Variants in NR1H4 observed in about 807,000 individuals in gnomAD.
The protein encoded by NR1H4 is bile acid receptor.
In NR1H4, 23 loss-of-function variants were observed where a neutral mutation model predicts 58.5. The ratio of observed to expected loss-of-function variants is 0.39; its 90% confidence interval spans 0.28 to 0.56. The LOEUF (loss-of-function observed/expected upper bound fraction) is 0.56, where lower values mean the gene tolerates loss of function less well. Ranked by LOEUF, NR1H4 falls within the 20% of genes least tolerant of loss-of-function variation. The pLI, the probability that NR1H4 is intolerant of heterozygous loss-of-function variation, is 0.58. For missense variants in NR1H4, 487 were observed against 576.9 expected (o/e 0.84, Z 1.60); for synonymous variants, 214 against 198.0 (o/e 1.08, Z -0.68).
chr12:100,487,070 T>G (rs11110392), intron 1 of NR1H4, among the ~76,000 whole-genome samples: 16,992 of 152,126 alleles, frequency 0.11, 1,993 homozygotes, highest in African/African-American at 0.29. Context: ...ATAGCCAATA[T>G]AGATGTAAAG....
intron 1 of NR1H4, among the ~76,000 whole-genome samples, chr12:100,491,421 A>G (rs995562630): frequency 2.7e-5 from 4 of 150,284 alleles, no homozygotes; most frequent in Non-Finnish European, 4.4e-5. Flanking sequence ...CATTGGACGG[A>G]TCTGCCTTAT....
intron 9 of NR1H4, among the ~76,000 whole-genome samples, chr12:100,546,025 G>A (rs1955061873): frequency 6.6e-6 from 1 of 152,076 alleles, no homozygotes; most frequent in African/African-American, 2.4e-5. Flanking sequence ...CCTAGTCCGA[G>A]CTGCCCACTG....
Position 100,540,773 on chromosome 12 carries a change from C to A in NR1H4, c.1033C>A (p.Pro345Thr). Residue 345 changes from proline to threonine, a missense_variant, in exon 9 of 11, where the codon CCG (proline) becomes ACG (threonine). Physicochemically the swap from Pro to Thr is conservative, Grantham distance 38. Transcript: ENST00000392986. The part of the protein sequence containing the change: ...RSAEIFNKKL[P>T]SGHSDLLEER... ...AGCTGAGATTTTCAATAAGAAACTT[C>A]CGTCTGGGCATTCTGACCTATTGGA... 1 of 1,614,132 alleles carries A rather than the reference C, an allele frequency of 6.2e-7. No individual in the cohort carries two copies. The highest frequency in any genetic ancestry group is 8.5e-7 in the Non-Finnish European group (1 of 1,180,012).
intron 4 of NR1H4, among the ~76,000 whole-genome samples, chr12:100,513,488 C>T (rs76449719): frequency 9.9e-5 from 15 of 152,168 alleles, no homozygotes; most frequent in Non-Finnish European, 2.1e-4. Flanking sequence ...GAAAACATTT[C>T]TAATTGGTTA....
chr12:100,482,671 G>A lies in NR1H4; in HGVS notation c.-190+8612G>A, dbSNP rs1030262595. On this transcript the variant is annotated intron_variant, in intron 1 of 10. Transcript: ENST00000392986. ...AGAAGAAGTACCCAGGGCTATGAAC[G>A]TCTCCTGGAGTTTGTGCTAATCAAG... 4.6e-5 allele frequency among the ~76,000 whole-genome samples: 7 copies of A among 152,150 alleles called. 1 individual carries two copies. Among genetic ancestry groups the A allele is most frequent in the Admixed American group, 2.0e-4 (3 of 15,284 alleles).
At position 100,563,307 on chromosome 12, in the gene NR1H4, G is replaced by A. The variant is rs1183591124; in HGVS notation, c.1249G>A (p.Asp417Asn). The change falls in exon 11 of 11, where the codon GAT (aspartate) becomes AAT (asparagine). Residue 417 changes from aspartate to asparagine, a missense_variant. Transcript: ENST00000392986. ...AGAGAAGCTTCAGGAGCCACTTCTT[G>A]ATGTGCTACAAAAGTTGTGTAAGAT... ...AVEKLQEPLLDVLQKLCKIHQ... is the reference protein window; with the variant it reads ...AVEKLQEPLLNVLQKLCKIHQ... 1.9e-6 allele frequency: 3 copies of A among 1,614,144 alleles called. No individual in the cohort carries two copies. Among genetic ancestry groups the A allele is most frequent in the Non-Finnish European group, 2.5e-6 (3 of 1,180,030 alleles).
intron 4 of NR1H4, among the ~76,000 whole-genome samples, chr12:100,529,260 T>C (rs1954634976): frequency 6.6e-6 from 1 of 152,216 alleles, no homozygotes; most frequent in Non-Finnish European, 1.5e-5. Flanking sequence ...TACCAAAACC[T>C]GATGTTCTCT....
chr12:100,486,877 C>A (rs923482767), intron 1 of NR1H4, among the ~76,000 whole-genome samples: 16 of 151,262 alleles, frequency 1.1e-4, no homozygotes, highest in African/African-American at 3.6e-4. Flanking sequence ...TTTAAAAAAT[C>A]AGATATATTT....
At chr12:100,519,015 T>C (rs1051464688) in intron 4 of NR1H4, among the ~76,000 whole-genome samples, 15 of 152,000 alleles carry the variant, frequency 9.9e-5, no homozygotes, top group Non-Finnish European at 1.9e-4. Context: ...TTTGAAGTCC[T>C]GACCTCAAGT....
chr12:100,506,700 G>A (rs933302252), intron 3 of NR1H4, among the ~76,000 whole-genome samples: 2 of 152,134 alleles, frequency 1.3e-5, no homozygotes, highest in African/African-American at 4.8e-5. Flanking sequence ...TAGAGACGGG[G>A]TTTCACCATG....
chr12:100,510,663 AGTT>A (rs1457748580), intron 3 of NR1H4, 112 bp from the exon 4 acceptor site: 18 of 781,912 alleles, frequency 2.3e-5, no homozygotes. Flanking sequence ...ACTTTTATGT[AGTT>A]AAATGTTTCA....
At chr12:100,547,381 A>G (rs1179537338) in intron 9 of NR1H4, among the ~76,000 whole-genome samples, 2 of 152,122 alleles carry the variant, frequency 1.3e-5, no homozygotes. Context: ...ATGATCCACT[A>G]TGGCTCCCTA....
rs768044013 is a variant in NR1H4 at position 100,563,815 on chromosome 12, A to T, written c.*326A>T. 5.2e-5 allele frequency: 13 copies of T among 250,364 alleles called. No homozygotes were observed. The highest frequency in any genetic ancestry group is 3.5e-4 in the Admixed American group (7 of 20,222). The allele number at this position is 250,364 out of a possible 1,614,324, so 15.5% of individuals were successfully genotyped here. ...CATCTTACCATATTGCATATATTTTATTAAAGAGTTGTATTCAATCTTGGC... is the reference window on the plus strand; with the variant it reads ...CATCTTACCATATTGCATATATTTTTTTAAAGAGTTGTATTCAATCTTGGC... On this transcript the variant is annotated 3_prime_UTR_variant, in exon 11 of 11. Transcript: ENST00000392986.
intron 4 of NR1H4, among the ~76,000 whole-genome samples, chr12:100,530,780 C>T (rs1954671841): frequency 6.6e-6 from 1 of 152,154 alleles, no homozygotes; most frequent in Non-Finnish European, 1.5e-5. Flanking sequence ...ATGGTGTCCC[C>T]TCATGCCCCC....
chr12:100,493,519 C>A (rs1953648620), intron 3 of NR1H4, 117 bp downstream of exon 3: 3 of 673,706 alleles, frequency 4.5e-6, no homozygotes, highest in Admixed American at 2.1e-5. Context: ...TTGTTCCTTC[C>A]AAGTACTCAA....
At chr12:100,492,360 T>G (rs1482696698) in intron 1 of NR1H4, 143 bp from the exon 2 acceptor site, 1 of 152,204 alleles carries the variant, frequency 6.6e-6, no homozygotes, top group Non-Finnish European at 1.5e-5. Context: ...TAGACAGCTA[T>G]TTATTTGTAA....
rs946723821 is a variant in NR1H4, at chr12:100,563,833, A to T, written c.*344A>T. Reference sequence around the variant, plus strand: ...ATATTTTATTAAAGAGTTGTATTCAATCTTGGCAATAAAGCAAACATAATG... The same window carrying T: ...ATATTTTATTAAAGAGTTGTATTCATTCTTGGCAATAAAGCAAACATAATG... On this transcript the variant is annotated 3_prime_UTR_variant, in exon 11 of 11. Coordinates refer to ENST00000392986, the MANE Select transcript of NR1H4 (RefSeq NM_001206979.2). 2 of 207,640 alleles carry T rather than the reference A, an allele frequency of 9.6e-6. No homozygotes were observed. Among genetic ancestry groups the T allele is most frequent in the Admixed American group, 1.1e-4 (2 of 18,828 alleles). The allele number at this position is 207,640 out of a possible 1,614,324, so 12.9% of individuals were successfully genotyped here.
At chr12:100,536,431 G>T in intron 6 of NR1H4, 81 bp from the exon 7 acceptor site, 2 of 782,422 alleles carry the variant, frequency 2.6e-6, no homozygotes, top group Non-Finnish European at 4.5e-6. Context: ...CTGCTATTAG[G>T]TCCCTCCAGA....
intron 1 of NR1H4, among the ~76,000 whole-genome samples, chr12:100,490,208 G>A (rs914591147): frequency 1.3e-5 from 2 of 152,190 alleles, no homozygotes; most frequent in South Asian, 2.1e-4. Flanking sequence ...TAATTTGAAG[G>A]TGCCAAGTTT....
Sources: gnomAD v4.1 joint callset for allele counts (sites outside exome capture counted in the v4.1 genomes callset) on GRCh38, gnomAD v4.1.1 for gene constraint, MANE v1.5 for transcripts, NCBI Gene and HGNC (gene_info 2026-07-23, HGNC 2026-07-21) for gene names.